AFF3: variants seen among roughly 807,000 people sequenced by gnomAD.
The protein encoded by AFF3 is AF4/FMR2 family member 3.
A neutral mutation model predicts 129.7 loss-of-function variants in AFF3; 32 were observed. The ratio of observed to expected loss-of-function variants is 0.25; its 90% CI spans 0.19 to 0.33. AFF3 has a LOEUF of 0.33. AFF3 is among the 10% of genes least tolerant of loss of function. The pLI, the probability that AFF3 is intolerant of heterozygous loss-of-function variation, is 1.00. For missense variants in AFF3, 1,373 were observed against 1,592.0 expected (o/e 0.86, Z 2.34); for synonymous variants, 644 against 635.4 (o/e 1.01, Z -0.20).
chr2:99,601,644 G>A, intron 13 of AFF3, 23 bp from the exon 14 acceptor site: 1 of 1,579,894 alleles, frequency 6.3e-7, no homozygotes. Context: ...GAGGCCCCCG[G>A]GAAGCAGAGG....
chr2:99,820,695 CACAT>C (rs559247424), intron 8 of AFF3, among the ~76,000 whole-genome samples: 277 of 103,158 alleles, frequency 2.7e-3, no homozygotes, highest in African/African-American at 7.9e-3. Context: ...CATTGTACAA[CACAT>C]TGTACAAAAA....
intron 4 of AFF3, among the ~76,000 whole-genome samples, chr2:100,017,890 C>A (rs903974947): frequency 6.6e-6 from 1 of 152,166 alleles, no homozygotes; most frequent in African/African-American, 2.4e-5. Flanking sequence ...TGCTCACTGA[C>A]AAGCTTTGAC....
At chr2:100,095,944 A>G (rs1388290541) in intron 4 of AFF3, among the ~76,000 whole-genome samples, 2 of 152,190 alleles carry the variant, frequency 1.3e-5, no homozygotes, top group Non-Finnish European at 2.9e-5. Flanking sequence ...CAACTGAAGT[A>G]TCTGAAACCT....
At chr2:99,897,388 T>C (rs995832575) in intron 7 of AFF3, among the ~76,000 whole-genome samples, 4 of 152,144 alleles carry the variant, frequency 2.6e-5, no homozygotes, top group Non-Finnish European at 5.9e-5. Flanking sequence ...CCTATTTTCA[T>C]AGAATCGTAG....
chr2:99,593,054 G>A (rs1231186028), intron 15 of AFF3, 141 bp downstream of exon 15: 6 of 866,828 alleles, frequency 6.9e-6, no homozygotes, highest in Non-Finnish European at 1.0e-5. Context: ...AGAAGTGTGT[G>A]TTAGGTAAGG....
intron 7 of AFF3, among the ~76,000 whole-genome samples, chr2:99,858,645 AG>A (rs1180352074): frequency 6.6e-6 from 1 of 152,224 alleles, no homozygotes; most frequent in African/African-American, 2.4e-5. Flanking sequence ...AAACTAACAC[AG>A]GAACAGAAAA....
intron 2 of AFF3, among the ~76,000 whole-genome samples, chr2:100,109,543 C>T (rs2105523596): frequency 6.6e-6 from 1 of 151,910 alleles, no homozygotes; most frequent in Admixed American, 6.5e-5. Flanking sequence ...GTAACAAGAA[C>T]CAATCATCCT....
rs554328360 is a variant in AFF3 at position 100,006,353 on chromosome 2, A to T, written c.873+279T>A. ...AGTGAACACTAGCTATTCAGAAGAA[A>T]ATTCTCAAACTATAGTGAAGGGGAC... On this transcript the variant is annotated intron_variant, in intron 7 of 24. Transcript: ENST00000672756. 210 of 311,236 alleles carry T rather than the reference A, an allele frequency of 6.7e-4. 5 individuals are homozygous for T. In the South Asian group the frequency reaches 0.024, roughly 35 times the overall value. 19.3% of individuals were successfully genotyped at this position (311,236 alleles called of 1,614,324 possible). A position where few individuals can be genotyped will look rare whatever the true frequency, so the allele number is the denominator to read the frequency against.
chr2:99,963,973 T>C (rs534066069), intron 7 of AFF3, among the ~76,000 whole-genome samples: 1 of 152,152 alleles, frequency 6.6e-6, no homozygotes, highest in South Asian at 2.1e-4. Context: ...GAAATGGCTA[T>C]ATTAATATCA....
intron 4 of AFF3, among the ~76,000 whole-genome samples, chr2:100,052,216 C>A (rs1385229639): frequency 6.6e-6 from 1 of 152,196 alleles, no homozygotes; most frequent in Admixed American, 6.5e-5. Context: ...GCAGCCATGT[C>A]ACTCAATTCA....
chr2:99,972,188 T>C (rs2104432983), intron 7 of AFF3, among the ~76,000 whole-genome samples: 1 of 152,282 alleles, frequency 6.6e-6, no homozygotes, highest in South Asian at 2.1e-4. Context: ...ACTGATAGTC[T>C]ACTACAGAAA....
intron 2 of AFF3, chr2:100,106,143 T>TGGC: frequency 8.1e-7 from 1 of 1,233,548 alleles, no homozygotes; most frequent in South Asian, 1.4e-5. Flanking sequence ...ATGCTCAGCC[T>TGGC]GGCTCCCTTC....
At chr2:99,823,692 G>C (rs2105703509) in intron 8 of AFF3, among the ~76,000 whole-genome samples, 1 of 152,298 alleles carries the variant, frequency 6.6e-6, no homozygotes, top group African/African-American at 2.4e-5. Context: ...CAAAGACATG[G>C]AATCAGTCTC....
intron 7 of AFF3, among the ~76,000 whole-genome samples, chr2:99,967,080 T>G (rs917416058): frequency 1.3e-5 from 2 of 152,188 alleles, no homozygotes; most frequent in South Asian, 4.1e-4. Flanking sequence ...TCTGCTGTCT[T>G]CCATACTGCA....
intron 13 of AFF3, among the ~76,000 whole-genome samples, chr2:99,638,531 G>A (rs1683885443): frequency 6.6e-6 from 1 of 151,998 alleles, no homozygotes; most frequent in Admixed American, 6.6e-5. Flanking sequence ...GCAGGGGAGG[G>A]GTGGTGGGTG....
chr2:99,840,321 G>A (rs1299129928), intron 7 of AFF3, among the ~76,000 whole-genome samples: 1 of 151,962 alleles, frequency 6.6e-6, no homozygotes, highest in Admixed American at 6.6e-5. Flanking sequence ...CTTTTGTATA[G>A]GTCTTTGATA....
chr2:99,717,798 T>C (rs1678527062), intron 11 of AFF3, among the ~76,000 whole-genome samples: 1 of 152,248 alleles, frequency 6.6e-6, no homozygotes, highest in East Asian at 1.9e-4. Context: ...GTAAAGATAC[T>C]GTCTTCTGTT....
At chr2:99,784,339 G>A (rs1466613348) in intron 8 of AFF3, among the ~76,000 whole-genome samples, 2 of 152,200 alleles carry the variant, frequency 1.3e-5, no homozygotes, top group African/African-American at 4.8e-5. Flanking sequence ...CGGAGCATGT[G>A]TGTATATTTC....
At chr2:99,723,245 C>T (rs568475236) in intron 11 of AFF3, among the ~76,000 whole-genome samples, 31 of 152,224 alleles carry the variant, frequency 2.0e-4, no homozygotes, top group South Asian at 4.2e-4. Context: ...AAGGATTACT[C>T]GGGTGTTGTC....
Sources: allele counts gnomAD v4.1 joint callset (sites outside exome capture counted in the v4.1 genomes callset), GRCh38; gene constraint gnomAD v4.1.1; transcripts MANE v1.5; gene names NCBI Gene and HGNC (gene_info 2026-07-23, HGNC 2026-07-21).